Variants in MTDH observed in about 807,000 individuals in gnomAD.
The protein encoded by MTDH is metadherin.
MTDH carries 34 observed loss-of-function variants against 72.7 expected under a neutral mutation model. That is an observed-to-expected ratio of 0.47 (90% CI 0.36 to 0.62). The LOEUF (loss-of-function observed/expected upper bound fraction) is 0.62. Among genes scored for constraint, MTDH ranks in the 20% least tolerant of loss-of-function variants. The probability of loss-of-function intolerance (pLI) is 0.00; values close to 1 mark genes in which losing one functional copy is unlikely to be tolerated. For synonymous variants in MTDH, 266 were observed against 268.9 expected (o/e 0.99, Z 0.10); for missense variants, 677 against 699.4 (o/e 0.97, Z 0.36).
intron 2 of MTDH, among the ~76,000 whole-genome samples, chr8:97,671,898 A>T (rs1000436069): frequency 2.0e-5 from 3 of 152,182 alleles, no homozygotes; most frequent in Non-Finnish European, 4.4e-5. Flanking sequence ...TAGGAATCTA[A>T]AAGAGTATCG....
chr8:97,698,341 A>G (rs1315296752), intron 6 of MTDH, among the ~76,000 whole-genome samples: 2 of 152,196 alleles, frequency 1.3e-5, no homozygotes, highest in South Asian at 2.1e-4. Flanking sequence ...ACTGCTTTAC[A>G]TTTGCATCCT....
At chr8:97,646,208 A>G (rs1446570678) in intron 1 of MTDH, among the ~76,000 whole-genome samples, 1 of 152,158 alleles carries the variant, frequency 6.6e-6, no homozygotes, top group Admixed American at 6.5e-5. Context: ...TAGATTAGAG[A>G]TGTGACAGGT....
chr8:97,683,212 G>A (rs556608520), intron 2 of MTDH, among the ~76,000 whole-genome samples: 2 of 150,156 alleles, frequency 1.3e-5, no homozygotes, highest in South Asian at 2.1e-4. Context: ...CTACAGGCAC[G>A]TGCCACCACA....
intron 1 of MTDH, among the ~76,000 whole-genome samples, chr8:97,654,750 T>C (rs1239729053): frequency 6.6e-6 from 1 of 152,092 alleles, no homozygotes; most frequent in Non-Finnish European, 1.5e-5. Context: ...GGATTATATA[T>C]ATACACACAC....
intron 2 of MTDH, among the ~76,000 whole-genome samples, chr8:97,667,482 A>C (rs1287971054): frequency 6.6e-6 from 1 of 152,254 alleles, no homozygotes; most frequent in Non-Finnish European, 1.5e-5. Context: ...TCTTGAGGAA[A>C]AACACTTATG....
At chr8:97,712,839 T>C (rs1814691414) in intron 8 of MTDH, among the ~76,000 whole-genome samples, 1 of 152,212 alleles carries the variant, frequency 6.6e-6, no homozygotes, top group African/African-American at 2.4e-5. Context: ...GTGAAATGTC[T>C]GTTCATGTCT....
At chr8:97,657,495 T>C (rs910297138) in intron 1 of MTDH, among the ~76,000 whole-genome samples, 2 of 152,096 alleles carry the variant, frequency 1.3e-5, no homozygotes, top group African/African-American at 2.4e-5. Flanking sequence ...TACTTTTTTT[T>C]TCTTTTGTAT....
At chr8:97,714,099 AT>A (rs2131068515) in intron 9 of MTDH, among the ~76,000 whole-genome samples, 1 of 152,340 alleles carries the variant, frequency 6.6e-6, no homozygotes, top group Admixed American at 6.5e-5. Context: ...GGAAGGTAAC[AT>A]TTAGCACACA....
At chr8:97,701,556 A>G (rs1814130631) in intron 7 of MTDH, among the ~76,000 whole-genome samples, 1 of 152,222 alleles carries the variant, frequency 6.6e-6, no homozygotes, top group Admixed American at 6.5e-5. Flanking sequence ...AAGGTTTTAC[A>G]AGGATGTGAA....
intron 11 of MTDH, 143 bp from the exon 12 acceptor site, chr8:97,724,457 A>C (rs762559918): frequency 3.7e-5 from 21 of 565,616 alleles, no homozygotes; most frequent in Admixed American, 1.1e-4. Context: ...CTTAAAATAT[A>C]TAACGAGGGC....
chr8:97,652,883 C>G (rs866509855), intron 1 of MTDH, among the ~76,000 whole-genome samples: 1 of 151,948 alleles, frequency 6.6e-6, no homozygotes, highest in Non-Finnish European at 1.5e-5. Flanking sequence ...CCTGTAATCC[C>G]AGTACTTCGG....
chr8:97,670,960 T>G (rs1231508601), intron 2 of MTDH, among the ~76,000 whole-genome samples: 45 of 136,492 alleles, frequency 3.3e-4, no homozygotes, highest in African/African-American at 1.0e-3. Context: ...TTGTTTTTTT[T>G]TTTTTTTTTT....
chr8:97,724,731 T>C lies in MTDH; in HGVS notation c.*61T>C. The C allele has an allele frequency of 1.5e-6, 2 of 1,312,144 alleles. No individual in the cohort carries two copies. The highest frequency in any genetic ancestry group is 2.1e-6 in the Non-Finnish European group (2 of 949,452). The allele number at this position is 1,312,144 out of a possible 1,614,324, so 81.3% of individuals were successfully genotyped here. The stretch of plus-strand genomic sequence containing the variant: ...CACTTGTCTTGAAGATTATGCTGTT[T>C]ATGCAATAATTTGTGAACATGTACA... On this transcript the variant is annotated 3_prime_UTR_variant, in exon 12 of 12. Transcript: ENST00000336273.
At chr8:97,653,077 C>T (rs1170117112) in intron 1 of MTDH, among the ~76,000 whole-genome samples, 1 of 151,522 alleles carries the variant, frequency 6.6e-6, no homozygotes, top group Non-Finnish European at 1.5e-5. Flanking sequence ...CGAGATCGCA[C>T]CACTGTACTC....
chr8:97,658,294 A>C (rs1291019375), intron 1 of MTDH, among the ~76,000 whole-genome samples: 2 of 152,242 alleles, frequency 1.3e-5, no homozygotes, highest in Admixed American at 1.3e-4. Context: ...AAATTGGCAC[A>C]GATAGGAGCG....
At chr8:97,693,984 G>A (rs1016334199) in intron 6 of MTDH, among the ~76,000 whole-genome samples, 2 of 151,996 alleles carry the variant, frequency 1.3e-5, no homozygotes, top group Non-Finnish European at 2.9e-5. Flanking sequence ...CACAGTGCTG[G>A]GATTACAGAT....
At chr8:97,677,171 A>G in intron 2 of MTDH, among the ~76,000 whole-genome samples, 1 of 93,952 alleles carries the variant, frequency 1.1e-5, no homozygotes. Flanking sequence ...CAACAGTAAA[A>G]GCCTGTCTCA....
At position 97,729,265 on chromosome 8, in the gene MTDH, C is replaced by G. The variant is rs552579134; in HGVS notation, c.*4595C>G. On this transcript the variant is annotated 3_prime_UTR_variant, in exon 12 of 12. Coordinates refer to ENST00000336273, the MANE Select transcript of MTDH (RefSeq NM_178812.4). ...CAGTTCTTACTTGAAGACAGCTGCT[C>G]TAGCTAGAAACTTCCTATCGGCATC... Among the ~76,000 whole-genome samples, 1 of 152,134 alleles carries G rather than the reference C, an allele frequency of 6.6e-6. No homozygotes were observed. Among genetic ancestry groups the G allele is most frequent in the Admixed American group, 6.6e-5 (1 of 15,244 alleles).
chr8:97,710,398 C>T (rs1347134599), intron 8 of MTDH, among the ~76,000 whole-genome samples: 1 of 152,062 alleles, frequency 6.6e-6, no homozygotes, highest in Non-Finnish European at 1.5e-5. Context: ...AGCACATACA[C>T]TAAAATTGAG....
Sources: gnomAD v4.1 joint callset for allele counts (sites outside exome capture counted in the v4.1 genomes callset) on GRCh38, gnomAD v4.1.1 for gene constraint, MANE v1.5 for transcripts, NCBI Gene and HGNC (gene_info 2026-07-23, HGNC 2026-07-21) for gene names.